Variants in PLEKHA7 observed in about 807,000 individuals in gnomAD.
PLEKHA7 encodes pleckstrin homology domain containing A7, also known as pleckstrin homology domain-containing family A member 7.
Under a neutral mutation model 170.0 loss-of-function variants are expected in PLEKHA7, and 104 were observed. The observed-to-expected ratio is 0.61, with a 90% CI of 0.52 to 0.72. The LOEUF is 0.72. Among genes scored for constraint, PLEKHA7 ranks in the 30% least tolerant of loss-of-function variants. The pLI is 0.00. For synonymous variants in PLEKHA7, 648 were observed against 660.8 expected, an observed-to-expected ratio of 0.98 and a Z score of 0.30; for missense variants, 1,615 against 1,671.7, an observed-to-expected ratio of 0.97 and a Z score of 0.59.
intron 19 of PLEKHA7, among the ~76,000 whole-genome samples, chr11:16,793,588 T>G (rs1848006015): frequency 6.6e-6 from 1 of 152,174 alleles, no homozygotes; most frequent in South Asian, 2.1e-4. Flanking sequence ...TTGGCAAAAA[T>G]CTGGAGGGCC....
chr11:16,993,868 C>T (rs1565189413), intron 3 of PLEKHA7, among the ~76,000 whole-genome samples: 2 of 152,152 alleles, frequency 1.3e-5, no homozygotes, highest in South Asian at 2.1e-4. Context: ...CTCCATTTTC[C>T]CTCTTGCCTA....
At chr11:16,795,131 T>A in intron 17 of PLEKHA7, 113 bp from the exon 18 acceptor site, 4 of 759,860 alleles carry the variant, frequency 5.3e-6, no homozygotes, top group Non-Finnish European at 9.2e-6. Flanking sequence ...GCATCCCCTC[T>A]GGAAACCCCA....
chr11:16,816,378 T>C (rs956589798), intron 11 of PLEKHA7, 114 bp from the exon 12 acceptor site: 12 of 737,274 alleles, frequency 1.6e-5, no homozygotes, highest in Non-Finnish European at 2.4e-5. Context: ...ATCTATGAAA[T>C]GAGCACACAC....
intron 8 of PLEKHA7, among the ~76,000 whole-genome samples, chr11:16,847,525 C>CGTG (rs1363093753): frequency 7.0e-6 from 1 of 142,608 alleles, no homozygotes; most frequent in Non-Finnish European, 1.6e-5. Context: ...GCTGGGGCCT[C>CGTG]GTGAATCACA....
chr11:16,779,967 C>G (rs543184951), intron 26 of PLEKHA7, among the ~76,000 whole-genome samples: 50 of 80,574 alleles, frequency 6.2e-4, no homozygotes, highest in African/African-American at 2.3e-3. Flanking sequence ...GTTTTTTCAT[C>G]TCTAAAACGG....
At chr11:17,007,367 G>A (rs1004631765) in intron 3 of PLEKHA7, among the ~76,000 whole-genome samples, 2 of 151,898 alleles carry the variant, frequency 1.3e-5, no homozygotes, top group East Asian at 3.9e-4. Context: ...TTGTTGCCTA[G>A]GCTGGAGTGC....
At chr11:16,808,771 C>A (rs1266850294) in intron 13 of PLEKHA7, among the ~76,000 whole-genome samples, 1 of 152,202 alleles carries the variant, frequency 6.6e-6, no homozygotes, top group Non-Finnish European at 1.5e-5. Flanking sequence ...GAACCCCACA[C>A]CCCACCCTTC....
At chr11:16,823,649 C>A (rs1320269263) in intron 10 of PLEKHA7, among the ~76,000 whole-genome samples, 3 of 152,116 alleles carry the variant, frequency 2.0e-5, no homozygotes, top group Admixed American at 2.0e-4. Context: ...ATTAACCAAG[C>A]CAAATCTGAA....
At chr11:16,821,219 A>T (rs1367979839) in intron 10 of PLEKHA7, among the ~76,000 whole-genome samples, 1 of 152,094 alleles carries the variant, frequency 6.6e-6, no homozygotes, top group Non-Finnish European at 1.5e-5. Flanking sequence ...CCTCACCCTA[A>T]CTTCCAGATC....
intron 4 of PLEKHA7, among the ~76,000 whole-genome samples, chr11:16,861,388 GCGCAGTGGCTTA>G (rs1349282751): frequency 6.6e-6 from 1 of 151,170 alleles, no homozygotes; most frequent in South Asian, 2.1e-4. Context: ...AATCAGCTAG[GCGCAGTGGCTTA>G]CACCAGTAAT....
At chr11:16,948,238 G>A (rs1372546832) in intron 3 of PLEKHA7, among the ~76,000 whole-genome samples, 1 of 152,132 alleles carries the variant, frequency 6.6e-6, no homozygotes, top group East Asian at 1.9e-4. Context: ...GAAGAAATAA[G>A]TTCAAGAGAT....
At chr11:16,912,772 T>TA in intron 3 of PLEKHA7, among the ~76,000 whole-genome samples, 1 of 152,262 alleles carries the variant, frequency 6.6e-6, no homozygotes, top group South Asian at 2.1e-4. Context: ...AGGCTCCATC[T>TA]CCTCTGGGCT....
intron 3 of PLEKHA7, among the ~76,000 whole-genome samples, chr11:16,932,059 T>C (rs919004612): frequency 6.6e-6 from 1 of 152,178 alleles, no homozygotes; most frequent in Non-Finnish European, 1.5e-5. Context: ...ATAAACTCCA[T>C]GAACTCTCAT....
chr11:16,841,765 C>T (rs772659213), intron 8 of PLEKHA7, 43 bp from the exon 9 acceptor site: 2 of 1,590,580 alleles, frequency 1.3e-6, no homozygotes, highest in East Asian at 2.2e-5. Context: ...GAGGTTATCA[C>T]ACATTTCCTT....
intron 3 of PLEKHA7, among the ~76,000 whole-genome samples, chr11:16,936,397 G>C (rs1419470335): frequency 4.5e-5 from 1 of 22,422 alleles, no homozygotes; most frequent in Non-Finnish European, 8.5e-5. Flanking sequence ...GTGAGACTCT[G>C]TCTCAAAAAA....
chr11:16,899,330 T>C (rs1476954939), intron 3 of PLEKHA7, among the ~76,000 whole-genome samples: 1 of 152,146 alleles, frequency 6.6e-6, no homozygotes, highest in Non-Finnish European at 1.5e-5. Flanking sequence ...AACCCCCGTC[T>C]CTACTAAAAA....
intron 3 of PLEKHA7, among the ~76,000 whole-genome samples, chr11:16,936,096 A>G (rs1264455676): frequency 6.6e-6 from 1 of 151,968 alleles, no homozygotes; most frequent in Non-Finnish European, 1.5e-5. Context: ...ATGATAATGA[A>G]CCCCTTTTGA....
Position 16,791,203 on chromosome 11 carries a change from C to A in PLEKHA7, c.2746-4G>T. 6.3e-7 allele frequency: 1 copy of A among 1,583,398 alleles called. No homozygotes were observed. Among genetic ancestry groups the A allele is most frequent in the South Asian group, 1.2e-5 (1 of 86,658 alleles). On this transcript the variant is annotated splice_region_variant and splice_polypyrimidine_tract_variant and intron_variant, in intron 19 of 26. Coordinates refer to ENST00000531066, the MANE Select transcript of PLEKHA7 (RefSeq NM_001329630.2). The surrounding 1 kb of genome is among the most constrained non-coding windows in gnomAD (Gnocchi z 4.5). ...GCCTGGGAGGTGCTTCATCTTCCTG[C>A]TGAGAAAGAGAACCAGACCAGTGGT...
chr11:16,953,790 T>A (rs1861542655), intron 3 of PLEKHA7, among the ~76,000 whole-genome samples: 1 of 152,202 alleles, frequency 6.6e-6, no homozygotes, highest in Non-Finnish European at 1.5e-5. Flanking sequence ...TTCAAACATA[T>A]GAAAAGTCTA....
Sources: allele counts gnomAD v4.1 joint callset (sites outside exome capture counted in the v4.1 genomes callset), GRCh38; gene constraint gnomAD v4.1.1; non-coding constraint Gnocchi (gnomAD v3.1); transcripts MANE v1.5; gene names NCBI Gene and HGNC (gene_info 2026-07-23, HGNC 2026-07-21).